The following ZNF208 variants were observed in gnomAD, a reference collection of about 807,000 sequenced individuals.
ZNF208 encodes zinc finger protein 95.
In ZNF208, 10 loss-of-function variants were observed where a neutral mutation model predicts 12.1. The ratio of observed to expected loss-of-function variants is 0.83; its 90% CI spans 0.51 to 1.40. The LOEUF (loss-of-function observed/expected upper bound fraction) is 1.40, where lower values mean the gene tolerates loss of function less well. ZNF208 is among the 40% of genes most tolerant of loss of function. The probability of loss-of-function intolerance (pLI) is 0.00; values close to 1 mark genes in which losing one functional copy is unlikely to be tolerated. For synonymous variants in ZNF208, 497 were observed against 488.4 expected, an observed-to-expected ratio of 1.02 and a Z score of -0.23; for missense variants, 1,652 against 1,485.0, an observed-to-expected ratio of 1.11 and a Z score of -1.85.
intron 1 of ZNF208, among the ~76,000 whole-genome samples, chr19:21,992,666 A>C (rs1019552345): frequency 1.3e-5 from 2 of 152,180 alleles, no homozygotes; most frequent in African/African-American, 4.8e-5. Flanking sequence ...CCACAAAGGG[A>C]CATTTTTAAT....
At chr19:21,986,371 C>T (rs562812269) in intron 3 of ZNF208, among the ~76,000 whole-genome samples, 6 of 152,212 alleles carry the variant, frequency 3.9e-5, no homozygotes, top group African/African-American at 1.4e-4. Flanking sequence ...TACACTTAAA[C>T]TATCTGATAA....
At chr19:21,946,451 A>C (rs1318808703) in intron 4 of ZNF208, among the ~76,000 whole-genome samples, 1 of 152,200 alleles carries the variant, frequency 6.6e-6, no homozygotes, top group Non-Finnish European at 1.5e-5. Context: ...TGGACAACCC[A>C]TTCAGGCCTC....
intron 4 of ZNF208, among the ~76,000 whole-genome samples, chr19:21,958,282 C>T (rs1414702239): frequency 6.6e-6 from 1 of 152,026 alleles, no homozygotes; most frequent in Non-Finnish European, 1.5e-5. Context: ...CATTTTAAAC[C>T]TACCCGGCTT....
At position 21,972,611 on chromosome 19, in the gene ZNF208, T is replaced by A. The variant is rs754851994; in HGVS notation, c.2423A>T (p.Glu808Val). 1 of 1,613,502 alleles carries A rather than the reference T, an allele frequency of 6.2e-7. No homozygotes were observed. The highest frequency in any genetic ancestry group is 1.7e-5 in the Admixed American group (1 of 59,896). Residue 808 changes from glutamate to valine, a missense_variant, in exon 4 of 4, where the codon GAA becomes GTA. Glu to Val is a moderately radical substitution (Grantham distance 121, BLOSUM62 -2). Around this residue, in one of 3 missense-constraint regions of ZNF208, gnomAD observed 1,239 missense variants for 1,086.2 expected, o/e 1.14. Coordinates refer to ENST00000397126, the MANE Select transcript of ZNF208 (RefSeq NM_007153.3). ...IHTDEKPYKC[E>V]ECGKTFSKVS... ...CTTACTAAAGGTTTTGCCACATTCT[T>A]CACATTTGTAGGGTTTCTCATCAGT...
intron 3 of ZNF208, among the ~76,000 whole-genome samples, chr19:21,981,798 AT>A (rs1387606695): frequency 6.6e-6 from 1 of 152,214 alleles, no homozygotes; most frequent in East Asian, 1.9e-4. Flanking sequence ...ATGATTGTAT[AT>A]TTAGAAAACC....
intron 1 of ZNF208, among the ~76,000 whole-genome samples, chr19:21,990,355 A>G (rs1290978411): frequency 6.6e-6 from 1 of 152,118 alleles, no homozygotes; most frequent in African/African-American, 2.4e-5. Flanking sequence ...TTTCCCCATT[A>G]CTTCTTTTTC....
rs2145549983 is a variant in ZNF208, at chr19:21,973,645, A to T, written c.1389T>A (p.Ser463Arg). The change falls in exon 4 of 4, where the codon AGT becomes AGA. Residue 463 changes from serine (S) to arginine (R), a missense_variant. Physicochemically the swap from Ser to Arg is moderately radical, Grantham distance 110. Transcript: ENST00000397126. ...TATGTTTAGTAAGGATTGAGAACAT[A>T]CTAAAGCCTTTGCCACATTCTTCAC... ...YKCEECGKGF[S>R]MFSILTKHKV... 4 of 1,575,292 alleles carry T rather than the reference A, an allele frequency of 2.5e-6. No individual in the cohort carries two copies. The highest frequency in any genetic ancestry group is 3.5e-6 in the Non-Finnish European group (4 of 1,147,744).
intron 4 of ZNF208, among the ~76,000 whole-genome samples, chr19:21,958,135 C>A (rs2145524332): frequency 6.6e-6 from 1 of 151,476 alleles, no homozygotes; most frequent in Non-Finnish European, 1.5e-5. Flanking sequence ...CTTCCAATTT[C>A]ATCCATGTCC....
chr19:22,001,118 A>T (rs7249976), intron 1 of ZNF208, among the ~76,000 whole-genome samples: 119,034 of 152,028 alleles, frequency 0.78, 47,367 homozygotes, highest in African/African-American at 0.93. Flanking sequence ...AAACCCCGTC[A>T]CTACTAAAAA....
rs1970284927 is a variant in ZNF208 at position 21,971,573 on chromosome 19, G to A, written c.3461C>T (p.Ser1154Leu). The A allele has an allele frequency of 8.7e-6, 14 of 1,610,972 alleles. No homozygotes were observed. The highest frequency in any genetic ancestry group is 1.3e-5 in the African/African-American group (1 of 74,732). The change falls in exon 4 of 4, where the codon TCA becomes TTA. Residue 1154 changes from serine to leucine, a missense_variant. Physicochemically the swap from Ser to Leu is moderately radical, Grantham distance 145 (BLOSUM62 -2). This residue lies in a region of ZNF208 where 1,239 missense variants were observed against 1,086.2 expected (regional missense o/e 1.14). Coordinates refer to ENST00000397126, the MANE Select transcript of ZNF208 (RefSeq NM_007153.3). ...AATTTTCTTATGATAACTAAGGGTTGAGGACCACTTATAGGCTTTGCCACA... is the reference window on the plus strand; with the variant it reads ...AATTTTCTTATGATAACTAAGGGTTAAGGACCACTTATAGGCTTTGCCACA... Reference protein sequence around the residue: ...EECGKAYKWSSTLSYHKKIHT... With the variant: ...EECGKAYKWSLTLSYHKKIHT...
intron 1 of ZNF208, among the ~76,000 whole-genome samples, chr19:21,996,736 T>C (rs1970841883): frequency 6.6e-6 from 1 of 152,168 alleles, no homozygotes; most frequent in Non-Finnish European, 1.5e-5. Context: ...TGCACATATT[T>C]TACTCTGATT....
rs190341443 is a variant in ZNF208 at position 21,995,970 on chromosome 19, C to G, written c.4-7061G>C. Among the ~76,000 whole-genome samples the G allele has an allele frequency of 3.0e-3, 462 of 152,284 alleles. 3 individuals are homozygous for G. The highest frequency in any genetic ancestry group is 0.011 in the African/African-American group (442 of 41,560). On this transcript the variant is annotated intron_variant, in intron 1 of 3. Coordinates refer to ENST00000397126, the MANE Select transcript of ZNF208 (RefSeq NM_007153.3). ...TGTAAATTCTCAATCCAAAGTCTGGCCCTGCCTTGTAAATCCCAGCAGAGG... is the reference window on the plus strand; with the variant it reads ...TGTAAATTCTCAATCCAAAGTCTGGGCCTGCCTTGTAAATCCCAGCAGAGG...
downstream of ZNF208, among the ~76,000 whole-genome samples, chr19:21,963,410 C>G (rs1260558486): frequency 3.9e-5 from 6 of 151,974 alleles, no homozygotes; most frequent in Admixed American, 3.9e-4. Flanking sequence ...TTTATAAAAA[C>G]TTTTCATAAC....
chr19:21,958,649 A>G (rs146227927), intron 4 of ZNF208, among the ~76,000 whole-genome samples: 69 of 152,298 alleles, frequency 4.5e-4, no homozygotes, highest in African/African-American at 1.5e-3. Context: ...CCTAAAAACT[A>G]TCAAGCTCCA....
In ZNF208 at chr19:21,973,295, G is replaced by C; in HGVS notation, c.1739C>G (p.Pro580Arg). ...TTTGCCACATTCTTCACATTTGTAG[G>C]GTTTCTCTACAGTATGAATTTTCTT... ...YHKKIHTVEK[P>R]YKCEECGKAF... is the part of the protein sequence containing the mutation. Residue 580 changes from proline (P) to arginine (R), a missense_variant, in exon 4 of 4, where the codon CCC becomes CGC. By Grantham distance (103) the Pro-to-Arg change is moderately radical. Around this residue, in one of 3 missense-constraint regions of ZNF208, gnomAD observed 1,239 missense variants for 1,086.2 expected, o/e 1.14. Transcript: ENST00000397126. The C allele has an allele frequency of 1.9e-6, 3 of 1,610,672 alleles. No homozygotes were observed. Among genetic ancestry groups the C allele is most frequent in the Non-Finnish European group, 2.5e-6 (3 of 1,178,528 alleles).
downstream of ZNF208, among the ~76,000 whole-genome samples, chr19:21,965,228 T>C (rs1210182881): frequency 1.3e-5 from 2 of 152,066 alleles, no homozygotes; most frequent in African/African-American, 2.4e-5. Context: ...TTTTAGAAAC[T>C]ATAAATAATA....
downstream of ZNF208, among the ~76,000 whole-genome samples, chr19:21,962,324 G>C (rs1357393505): frequency 6.6e-6 from 1 of 152,094 alleles, no homozygotes; most frequent in Non-Finnish European, 1.5e-5. Context: ...AAGGGCTGAT[G>C]AAAAATGTCT....
intron 3 of ZNF208, 71 bp from the exon 4 acceptor site, chr19:21,974,878 C>G: frequency 1.4e-6 from 2 of 1,430,494 alleles, no homozygotes; most frequent in Non-Finnish European, 1.8e-6. Flanking sequence ...TAAATCTAAA[C>G]TATAAAATTA....
chr19:21,944,523 T>A (rs1568432139), intron 4 of ZNF208, among the ~76,000 whole-genome samples: 1 of 152,152 alleles, frequency 6.6e-6, no homozygotes, highest in Non-Finnish European at 1.5e-5. Context: ...TATGCATGGT[T>A]TTATTCTTAT....
Sources: gnomAD v4.1 joint callset for allele counts (sites outside exome capture counted in the v4.1 genomes callset) on GRCh38, gnomAD v4.1.1 for gene constraint, gnomAD v4.1.1 regional missense constraint, MANE v1.5 for transcripts, NCBI Gene and HGNC (gene_info 2026-07-23, HGNC 2026-07-21) for gene names.